HK3: variants seen among roughly 807,000 people sequenced by gnomAD.
HK3 encodes hexokinase 3, also known as hexokinase-3.
Under a neutral mutation model 91.0 loss-of-function variants are expected in HK3, and 93 were observed. That is an observed-to-expected ratio of 1.02 (90% CI 0.86 to 1.21). The LOEUF is 1.21. HK3 is among the 50% of genes most tolerant of loss of function. HK3 has a pLI of 0.00. For synonymous variants in HK3, 519 were observed against 516.9 expected, an observed-to-expected ratio of 1.00 and a Z score of -0.06; for missense variants, 1,235 against 1,247.4, an observed-to-expected ratio of 0.99 and a Z score of 0.15.
Position 176,883,960 on chromosome 5 carries a change from C to T in HK3, c.1953+79G>A, listed in dbSNP as rs143896985. On this transcript the variant is annotated intron_variant, in intron 14 of 18. Transcript: ENST00000292432. Reference sequence around the variant, plus strand: ...CAGAGGTCTCTACCGCAGAGGGCTCCCCCCTCAGAAAGTAGGAGACTCTTT... The same window carrying T: ...CAGAGGTCTCTACCGCAGAGGGCTCTCCCCTCAGAAAGTAGGAGACTCTTT... 9.6e-4 allele frequency: 1,513 copies of T among 1,573,888 alleles called. 18 individuals carry two copies. In the African/African-American group the frequency reaches 0.018, roughly 18 times the overall value.
Position 176,889,702 on chromosome 5 carries a change from C to T in HK3, c.673G>A (p.Gly225Ser). 6 of 1,614,134 alleles carry T rather than the reference C, an allele frequency of 3.7e-6. No homozygotes were observed. The highest frequency in any genetic ancestry group is 5.1e-6 in the Non-Finnish European group (6 of 1,180,026). ...CCCGGCTCACAGCCCATCATGGTGC[C>T]CACTGTGTCGTTCACCACAGCAACC... ...DVVAVVNDTVGTMMGCEPGVR... is the reference protein window; with the variant it reads ...DVVAVVNDTVSTMMGCEPGVR... The change falls in exon 7 of 19, where the codon GGC becomes AGC. Residue 225 changes from glycine (G) to serine (S), a missense_variant. By Grantham distance (56) the Gly-to-Ser change is moderately conservative. This residue lies in a region of HK3 where 717 missense variants were observed against 751.6 expected (regional missense o/e 0.95). Transcript: ENST00000292432.
At position 176,884,035 on chromosome 5, in the gene HK3, C is replaced by T; in HGVS notation, c.1953+4G>A. 2 of 1,613,558 alleles carry T rather than the reference C, an allele frequency of 1.2e-6. No homozygotes were observed. The highest frequency in any genetic ancestry group is 2.2e-5 in the East Asian group (1 of 44,886). ...CCCAAAGCACCCCTAGAACAGGCTC[C>T]TACCTGTCTGCGAGTGATGGCTTCC... is the stretch of plus-strand genomic sequence containing the variant. On this transcript the variant is annotated splice_donor_region_variant and intron_variant, in intron 14 of 18. Transcript: ENST00000292432. This position sits in a 1 kb window ranked among gnomAD's most constrained non-coding sequence, Gnocchi z 4.1.
At chr5:176,883,022 C>A (rs544079671) in intron 15 of HK3, among the ~76,000 whole-genome samples, 1 of 152,198 alleles carries the variant, frequency 6.6e-6, no homozygotes, top group Non-Finnish European at 1.5e-5. Context: ...AGAGCCAAAT[C>A]CTTTCTTTCA....
chr5:176,881,747 G>A lies in HK3; in HGVS notation c.2338C>T (p.Gln780Ter). The A allele has an allele frequency of 1.9e-6, 3 of 1,614,154 alleles. No homozygotes were observed. The highest frequency in any genetic ancestry group is 1.7e-6 in the Non-Finnish European group (2 of 1,180,028). Residue 780 changes from glutamine (Q) to a stop codon, truncating the protein, a stop_gained, in exon 17 of 19, where the codon CAG becomes TAG. Transcript: ENST00000292432. LOFTEE classifies it high-confidence loss of function. ...LGVLFRGQQI[Q>*]RLQTRDIFKT... Reference sequence around the variant, plus strand: ...AAGATGTCCCTGGTCTGAAGGCGCTGGATCTGCTGGCCCCGGAAGAGAACG... The same window carrying A: ...AAGATGTCCCTGGTCTGAAGGCGCTAGATCTGCTGGCCCCGGAAGAGAACG...
rs113393288 is a variant in HK3 at position 176,887,897 on chromosome 5, CTT to C, written c.1305-153_1305-152del. Reference sequence around the variant, plus strand: ...CCTCCTGAAGCCCAAGGCCCCATCACTTTTTTTTTTTTATTTTTGTAGATATC... The same window carrying C: ...CCTCCTGAAGCCCAAGGCCCCATCACTTTTTTTTTTATTTTTGTAGATATC... On this transcript the variant is annotated intron_variant, in intron 10 of 18. Coordinates refer to ENST00000292432, the MANE Select transcript of HK3 (RefSeq NM_002115.3). The surrounding 1 kb of genome is among the most constrained non-coding windows in gnomAD (Gnocchi z 4.9). The C allele has an allele frequency of 2.7e-4, 145 of 545,420 alleles. No individual in the cohort carries two copies. The highest frequency in any genetic ancestry group is 4.7e-4 in the South Asian group (17 of 35,882). The allele number at this position is 545,420 out of a possible 1,614,324, so 33.8% of individuals were successfully genotyped here.
At chr5:176,898,689 A>G (rs1335237697) in intron 1 of HK3, among the ~76,000 whole-genome samples, 1 of 152,238 alleles carries the variant, frequency 6.6e-6, no homozygotes, top group Non-Finnish European at 1.5e-5. Flanking sequence ...GGGGAGGGAC[A>G]TGTCTCCTTC....
intron 13 of HK3, among the ~76,000 whole-genome samples, chr5:176,886,412 TG>T (rs1758584686): frequency 6.6e-6 from 1 of 151,438 alleles, no homozygotes; most frequent in South Asian, 2.1e-4. Context: ...AAGCAGAAGT[TG>T]GGTATGTTGA....
At chr5:176,892,731 A>G (rs1758811280) in intron 2 of HK3, among the ~76,000 whole-genome samples, 1 of 152,144 alleles carries the variant, frequency 6.6e-6, no homozygotes, top group Admixed American at 6.5e-5. Context: ...TGGAATAACA[A>G]CTCAGGCACC....
At position 176,890,947 on chromosome 5, in the gene HK3, G is replaced by A. The variant is rs1373102173; in HGVS notation, c.415-6C>T. 1.2e-6 allele frequency: 2 copies of A among 1,614,052 alleles called. No homozygotes were observed. The highest frequency in any genetic ancestry group is 8.5e-7 in the Non-Finnish European group (1 of 1,180,002). On this transcript the variant is annotated splice_polypyrimidine_tract_variant and splice_region_variant and intron_variant, in intron 4 of 18. Transcript: ENST00000292432. ...TGGGCAGCAAAGTCAAAGAGCTGCA[G>A]GAGAAGTGGGGGGGCTCAGCCTTGC... is the stretch of plus-strand genomic sequence containing the variant.
At position 176,887,638 on chromosome 5, in the gene HK3, G is replaced by A. The variant is rs6875296; in HGVS notation, c.1413C>T (p.Ala471=). Residue 471 remains alanine, a synonymous_variant, in exon 11 of 19, where the codon GCC becomes GCT. Transcript: ENST00000292432. This position sits in a 1 kb window ranked among gnomAD's most constrained non-coding sequence, Gnocchi z 4.9. ...GGTGGGCAGCCAGACGGGCAGCCAC[G>A]GCAGTCACCATCGCCACTCCCCGGC... The part of the protein sequence containing the change: ...GGGRGVAMVT[A]VAARLAAHRR... 0.34 allele frequency: 546,123 copies of A among 1,613,452 alleles called. 95,819 individuals are homozygous for A. Among genetic ancestry groups the A allele is most frequent in the Admixed American group, 0.51 (30,456 of 59,990 alleles).
chr5:176,896,794 C>A (rs941562656), intron 1 of HK3, among the ~76,000 whole-genome samples: 4 of 152,126 alleles, frequency 2.6e-5, no homozygotes, highest in Non-Finnish European at 5.9e-5. Flanking sequence ...AGTGACCTGA[C>A]CTTGGACGTC....
rs745603743 is a variant in HK3 at position 176,887,087 on chromosome 5, AAGTCCACGATGC to A, written c.1760_1771del (p.Cys587_Asp590del). On this transcript the variant is annotated inframe_deletion, in exon 13 of 19. Transcript: ENST00000292432. This position sits in a 1 kb window ranked among gnomAD's most constrained non-coding sequence, Gnocchi z 4.9. ...CCCGCTCAGGCCCTGCTTCTGCTGGAAGTCCACGATGCAGTCCACGATGTGGTCAAAGAGCTG... is the reference window on the plus strand; with the variant it reads ...CCCGCTCAGGCCCTGCTTCTGCTGGAAGTCCACGATGTGGTCAAAGAGCTG... 111 of 1,614,096 alleles carry A rather than the reference AAGTCCACGATGC, an allele frequency of 6.9e-5. No homozygotes were observed. Among genetic ancestry groups the A allele is most frequent in the Non-Finnish European group, 9.0e-5 (106 of 1,180,034 alleles).
rs1758425035 is a variant in HK3 at position 176,881,440 on chromosome 5, T to C, written c.2489A>G (p.Gln830Arg). 5 of 1,611,192 alleles carry C rather than the reference T, an allele frequency of 3.1e-6. No homozygotes were observed. The highest frequency in any genetic ancestry group is 3.4e-6 in the Non-Finnish European group (4 of 1,180,004). ...DDALMVLEVC[Q>R]AVSQRAAQLC... is the part of the protein sequence containing the mutation. ...CTGGGCAGCCCTCTGGGACACAGCC[T>C]GGCACACCTCTAGCACCATCAGGGC... The change falls in exon 18 of 19, where the codon CAG becomes CGG. Residue 830 changes from glutamine to arginine, a missense_variant. Gln to Arg is a conservative substitution (Grantham distance 43). Transcript: ENST00000292432.
rs1758629090 is a variant in HK3 at position 176,887,517 on chromosome 5, G to GC, written c.1533dup (p.Leu512AlafsTer20). The GC allele has an allele frequency of 6.2e-7, 1 of 1,613,750 alleles. No homozygotes were observed. Among genetic ancestry groups the GC allele is most frequent in the Non-Finnish European group, 8.5e-7 (1 of 1,179,970 alleles). On this transcript the variant is annotated frameshift_variant, in exon 11 of 19. Coordinates refer to ENST00000292432, the MANE Select transcript of HK3 (RefSeq NM_002115.3). LOFTEE classifies it high-confidence loss of function. The surrounding 1 kb of genome is among the most constrained non-coding windows in gnomAD (Gnocchi z 4.9). ...CGAAGGGAGGAGGCCTCCCCTCGGA[G>GC]CCCCTTGGCCATGGCCTTCCGCATC...
intron 2 of HK3, among the ~76,000 whole-genome samples, chr5:176,894,998 T>C (rs691473): frequency 6.6e-6 from 1 of 151,762 alleles, no homozygotes; most frequent in African/African-American, 2.4e-5. Flanking sequence ...AGGATGGTCT[T>C]GATCTCCTGA....
At chr5:176,888,657 C>A in intron 9 of HK3, 52 bp downstream of exon 9, 1 of 1,612,976 alleles carries the variant, frequency 6.2e-7, no homozygotes, top group Non-Finnish European at 8.5e-7. Context: ...GAGTATCATC[C>A]CCTTCCTCCA....
chr5:176,892,206 T>C (rs1758795721), intron 2 of HK3, among the ~76,000 whole-genome samples: 2 of 152,102 alleles, frequency 1.3e-5, no homozygotes, highest in South Asian at 2.1e-4. Context: ...GAACATACAA[T>C]TTGGTTCCAG....
In HK3 at chr5:176,888,728, G is replaced by A. The variant is rs921125845; in HGVS notation, c.1051C>T (p.His351Tyr). 1.2e-6 allele frequency: 2 copies of A among 1,614,214 alleles called. No individual in the cohort carries two copies. The highest frequency in any genetic ancestry group is 1.7e-6 in the Non-Finnish European group (2 of 1,180,040). ...ACTCACTCCTCCATCTCAGCCACGTGTTCCAGGAGGATGCTGCCTTGGCTC... is the reference window on the plus strand; with the variant it reads ...ACTCACTCCTCCATCTCAGCCACGTATTCCAGGAGGATGCTGCCTTGGCTC... Reference protein sequence around the residue: ...LLSQGSILLEHVAEMEDPSTG... With the variant: ...LLSQGSILLEYVAEMEDPSTG... The change falls in exon 9 of 19, where the codon CAC becomes TAC. Residue 351 changes from histidine (H) to tyrosine (Y), a missense_variant. Coordinates refer to ENST00000292432, the MANE Select transcript of HK3 (RefSeq NM_002115.3).
chr5:176,881,207 G>C lies in HK3; in HGVS notation c.2638C>G (p.Leu880Val). The change falls in exon 19 of 19, where the codon CTG becomes GTG. Residue 880 changes from leucine (L) to valine (V), a missense_variant. Coordinates refer to ENST00000292432, the MANE Select transcript of HK3 (RefSeq NM_002115.3). ...AGCTCCCGCACTGTGGCCGCCACCA[G>C]GCTGGAGAAGCTGTGAGAGGAGGGC... ...LYKLHPRFSSLVAATVRELAP... is the reference protein window; with the variant it reads ...LYKLHPRFSSVVAATVRELAP... 6.2e-7 allele frequency: 1 copy of C among 1,613,166 alleles called. No individual in the cohort carries two copies.
Sources: allele counts gnomAD v4.1 joint callset (sites outside exome capture counted in the v4.1 genomes callset), GRCh38; gene constraint gnomAD v4.1.1; regional missense constraint gnomAD v4.1.1; non-coding constraint Gnocchi (gnomAD v3.1); transcripts MANE v1.5; gene names NCBI Gene and HGNC (gene_info 2026-07-23, HGNC 2026-07-21).